PPARGC1A: variants seen among roughly 807,000 people sequenced by gnomAD.
PPARGC1A encodes the protein PPARG coactivator 1 alpha.
A neutral mutation model predicts 88.7 loss-of-function variants in PPARGC1A; 25 were observed. That is an observed-to-expected ratio of 0.28 (90% confidence interval 0.21 to 0.39). The LOEUF (loss-of-function observed/expected upper bound fraction) is 0.39, where lower values mean the gene tolerates loss of function less well. PPARGC1A is among the 10% of genes least tolerant of loss of function. The pLI, the probability that PPARGC1A is intolerant of heterozygous loss-of-function variation, is 1.00. For synonymous variants in PPARGC1A, 363 were observed against 355.6 expected, an observed-to-expected ratio of 1.02 and a Z score of -0.24; for missense variants, 880 against 968.7, an observed-to-expected ratio of 0.91 and a Z score of 1.22.
chr4:24,341,397 A>C, the PPARGC1A span, among the ~76,000 whole-genome samples: 9 of 152,190 alleles, frequency 5.9e-5, no homozygotes, highest in Non-Finnish European at 8.8e-5. Flanking sequence ...ATATATTTTA[A>C]GAACCTATTG....
the PPARGC1A span, among the ~76,000 whole-genome samples, chr4:24,258,768 T>C: frequency 2.6e-5 from 4 of 152,350 alleles, no homozygotes; most frequent in African/African-American, 9.6e-5. Flanking sequence ...ACTTCAGAAG[T>C]AATTTCGTTA....
the PPARGC1A span, among the ~76,000 whole-genome samples, chr4:24,116,561 G>A: frequency 2.6e-5 from 4 of 152,118 alleles, no homozygotes; most frequent in South Asian, 2.1e-4. Flanking sequence ...TTAATAAACC[G>A]GTTTCAGAAC....
chr4:24,200,655 C>CAGAAAAAAAAAAAA, the PPARGC1A span, among the ~76,000 whole-genome samples: 1 of 88,316 alleles, frequency 1.1e-5, no homozygotes, highest in Non-Finnish European at 2.2e-5. Flanking sequence ...ATTTATTAAG[C>CAGAAAAAAAAAAAA]AAAAAAAAAA....
At chr4:24,210,364 C>A in the PPARGC1A span, among the ~76,000 whole-genome samples, 3 of 152,312 alleles carry the variant, frequency 2.0e-5, no homozygotes, top group East Asian at 5.8e-4. Flanking sequence ...AATTTGGAAA[C>A]TCAAAGGCTA....
At chr4:24,174,278 G>C in the PPARGC1A span, among the ~76,000 whole-genome samples, 765 of 152,286 alleles carry the variant, frequency 5.0e-3, 12 homozygotes, top group South Asian at 0.046. Context: ...CATCACTACT[G>C]TGTTCCACCT....
chr4:24,079,744 T>A, the PPARGC1A span, among the ~76,000 whole-genome samples: 1 of 152,074 alleles, frequency 6.6e-6, no homozygotes, highest in Non-Finnish European at 1.5e-5. Flanking sequence ...CTTTTCCGCC[T>A]GAAATTTAAT....
chr4:23,895,808 A>G (rs1718490089), intron 1 of PPARGC1A, among the ~76,000 whole-genome samples: 1 of 152,080 alleles, frequency 6.6e-6, no homozygotes, highest in African/African-American at 2.4e-5. Flanking sequence ...TCCTAAGGCA[A>G]TAATAAGGGA....
At chr4:24,009,150 A>AAAAAAAAAAGAG in the PPARGC1A span, among the ~76,000 whole-genome samples, 1,440 of 79,798 alleles carry the variant, frequency 0.018, 32 homozygotes, top group East Asian at 0.029. Context: ...AAAAAAAAAA[A>AAAAAAAAAAGAG]AGAGAGAGAA....
the PPARGC1A span, among the ~76,000 whole-genome samples, chr4:24,004,854 T>C: frequency 1.3e-5 from 2 of 152,196 alleles, no homozygotes; most frequent in Non-Finnish European, 2.9e-5. Flanking sequence ...TGTGGATCTT[T>C]ATAAATGAAA....
chr4:24,020,930 G>C, the PPARGC1A span, among the ~76,000 whole-genome samples: 1 of 152,194 alleles, frequency 6.6e-6, no homozygotes, highest in African/African-American at 2.4e-5. Flanking sequence ...TTAAAACCCT[G>C]CCTCTGTGGT....
intron 2 of PPARGC1A, among the ~76,000 whole-genome samples, chr4:23,867,056 A>G (rs763789238): frequency 2.0e-5 from 3 of 152,190 alleles, no homozygotes; most frequent in Non-Finnish European, 4.4e-5. Flanking sequence ...GCTAAATTTT[A>G]TAAATAAATA....
At chr4:23,898,790 C>G (rs963116484) in intron 1 of PPARGC1A, among the ~76,000 whole-genome samples, 6 of 151,074 alleles carry the variant, frequency 4.0e-5, no homozygotes, top group African/African-American at 1.2e-4. Flanking sequence ...TTCTCTACCT[C>G]TTTTCAAAAC....
chr4:24,421,253 A>G, the PPARGC1A span, among the ~76,000 whole-genome samples: 1 of 152,112 alleles, frequency 6.6e-6, no homozygotes, highest in Admixed American at 6.5e-5. Flanking sequence ...TGTATGGGAT[A>G]TACTTAAATC....
At chr4:24,043,415 G>C in the PPARGC1A span, among the ~76,000 whole-genome samples, 1 of 152,020 alleles carries the variant, frequency 6.6e-6, no homozygotes, top group Non-Finnish European at 1.5e-5. Flanking sequence ...TATTAGTCTG[G>C]CACCGGCTTT....
At chr4:24,405,696 G>A in the PPARGC1A span, among the ~76,000 whole-genome samples, 1 of 152,076 alleles carries the variant, frequency 6.6e-6, no homozygotes, top group African/African-American at 2.4e-5. Context: ...TCCAATGGTA[G>A]CCTCCAACCA....
intron 1 of PPARGC1A, among the ~76,000 whole-genome samples, chr4:23,887,222 T>C (rs1484543000): frequency 6.6e-6 from 1 of 151,364 alleles, no homozygotes; most frequent in Admixed American, 6.6e-5. Flanking sequence ...CTCTCTCTCA[T>C]TTTGCTTTTA....
At chr4:24,433,361 G>T in the PPARGC1A span, among the ~76,000 whole-genome samples, 1 of 151,894 alleles carries the variant, frequency 6.6e-6, no homozygotes, top group Non-Finnish European at 1.5e-5. Flanking sequence ...TTCGCTCTGG[G>T]GGGGACAGGC....
chr4:24,155,855 TG>T, the PPARGC1A span, among the ~76,000 whole-genome samples: 3 of 152,118 alleles, frequency 2.0e-5, no homozygotes, highest in Non-Finnish European at 1.5e-5. Flanking sequence ...AGTGGGCAGA[TG>T]CAAGTTACAA....
the PPARGC1A span, among the ~76,000 whole-genome samples, chr4:24,131,776 T>G: frequency 6.6e-6 from 1 of 152,210 alleles, no homozygotes; most frequent in South Asian, 2.1e-4. Flanking sequence ...CAATTAATGT[T>G]GAAAATGAGA....
Sources: allele counts gnomAD v4.1 joint callset (sites outside exome capture counted in the v4.1 genomes callset), GRCh38; gene constraint gnomAD v4.1.1; transcripts MANE v1.5; gene names NCBI Gene and HGNC (gene_info 2026-07-23, HGNC 2026-07-21).